The following WWTR1 variants were observed in gnomAD, a reference collection of about 807,000 sequenced individuals.
WWTR1 encodes WW domain-containing transcription regulator protein 1.
In WWTR1, 13 loss-of-function variants were observed where a neutral mutation model predicts 40.1. The ratio of observed to expected loss-of-function variants is 0.32; its 90% CI spans 0.21 to 0.52. The LOEUF is 0.52. Among genes scored for constraint, WWTR1 ranks in the 20% least tolerant of loss-of-function variants. The pLI is 0.97. For missense variants in WWTR1, 436 were observed against 523.1 expected, an observed-to-expected ratio of 0.83 and a Z score of 1.63; for synonymous variants, 230 against 210.1, an observed-to-expected ratio of 1.09 and a Z score of -0.82.
chr3:149,546,483 T>C (rs1322580137), intron 3 of WWTR1, among the ~76,000 whole-genome samples: 1 of 152,158 alleles, frequency 6.6e-6, no homozygotes, highest in Non-Finnish European at 1.5e-5. Flanking sequence ...ATGTTACTAG[T>C]TGTGGTTAGA....
rs5853422 is a variant in WWTR1, at chr3:149,560,956, ACC to A, written c.568+11906_568+11907del. 2.1e-3 allele frequency among the ~76,000 whole-genome samples: 317 copies of A among 148,302 alleles called. 1 individual carries two copies. The highest frequency in any genetic ancestry group is 7.3e-3 in the African/African-American group (300 of 40,900). On this transcript the variant is annotated intron_variant, in intron 3 of 6. Transcript: ENST00000360632. ...ACATTATTTTTTAAAAGAAAGTAAC[ACC>A]CCCCCCCGCAAAAAATCCCCTGCTC...
intron 2 of WWTR1, among the ~76,000 whole-genome samples, chr3:149,584,396 C>T (rs1346927831): frequency 1.3e-5 from 2 of 152,076 alleles, no homozygotes; most frequent in African/African-American, 4.8e-5. Flanking sequence ...TGGCTCTGGC[C>T]ATCAGAGCCA....
chr3:149,707,775 T>C (rs1470861934), upstream of WWTR1, among the ~76,000 whole-genome samples: 1 of 152,038 alleles, frequency 6.6e-6, no homozygotes, highest in African/African-American at 2.4e-5. Flanking sequence ...TATGTTTGCA[T>C]GTCCCCAAAC....
chr3:149,622,468 AG>A (rs1740325759), intron 2 of WWTR1, among the ~76,000 whole-genome samples: 1 of 95,814 alleles, frequency 1.0e-5, no homozygotes, highest in African/African-American at 3.7e-5. Context: ...GAAGGAAGGA[AG>A]GAAGGAAGGA....
intron 2 of WWTR1, among the ~76,000 whole-genome samples, chr3:149,642,079 C>T (rs1409123633): frequency 6.6e-6 from 1 of 152,208 alleles, no homozygotes; most frequent in Non-Finnish European, 1.5e-5. Context: ...GCCTTCTTTC[C>T]TTCAAGCTTT....
intron 2 of WWTR1, among the ~76,000 whole-genome samples, chr3:149,586,762 T>C (rs963154690): frequency 6.6e-6 from 1 of 152,132 alleles, no homozygotes; most frequent in Non-Finnish European, 1.5e-5. Context: ...ATCCCAACCT[T>C]CAGGGAAGGG....
intron 2 of WWTR1, among the ~76,000 whole-genome samples, chr3:149,669,100 C>G (rs1713963557): frequency 6.6e-6 from 1 of 152,150 alleles, no homozygotes; most frequent in South Asian, 2.1e-4. Context: ...TCAGTCTTTT[C>G]TATTTCACCA....
At chr3:149,648,798 G>C (rs1712676180) in intron 2 of WWTR1, among the ~76,000 whole-genome samples, 1 of 152,114 alleles carries the variant, frequency 6.6e-6, no homozygotes, top group African/African-American at 2.4e-5. Flanking sequence ...GGCAAACCAA[G>C]GTGGAAGGCA....
chr3:149,644,821 G>A (rs1024067353), intron 2 of WWTR1, among the ~76,000 whole-genome samples: 6 of 152,090 alleles, frequency 3.9e-5, no homozygotes, highest in African/African-American at 1.4e-4. Context: ...GTGGTGGCAG[G>A]GAGGTGGGCA....
chr3:149,610,301 T>A (rs1739675564), intron 2 of WWTR1, among the ~76,000 whole-genome samples: 1 of 152,356 alleles, frequency 6.6e-6, no homozygotes, highest in African/African-American at 2.4e-5. Context: ...ATGTTTTTGT[T>A]TGATTTTGTT....
intron 2 of WWTR1, among the ~76,000 whole-genome samples, chr3:149,622,134 C>T (rs987248767): frequency 6.6e-6 from 1 of 152,078 alleles, no homozygotes; most frequent in Non-Finnish European, 1.5e-5. Context: ...AATTTGATCA[C>T]CTCAAAATCA....
intron 2 of WWTR1, among the ~76,000 whole-genome samples, chr3:149,584,248 C>CTTGT (rs1738301530): frequency 6.6e-6 from 1 of 152,110 alleles, no homozygotes; most frequent in Non-Finnish European, 1.5e-5. Flanking sequence ...GTCACTCATC[C>CTTGT]CAAAAAAGAA....
At chr3:149,527,054 G>A (rs1241672480) in intron 5 of WWTR1, among the ~76,000 whole-genome samples, 2 of 152,010 alleles carry the variant, frequency 1.3e-5, no homozygotes, top group Admixed American at 6.6e-5. Context: ...CATAACCATA[G>A]TGCAATTACC....
At chr3:149,547,958 A>ACACACT (rs1384998011) in intron 3 of WWTR1, among the ~76,000 whole-genome samples, 1 of 149,640 alleles carries the variant, frequency 6.7e-6, no homozygotes, top group Non-Finnish European at 1.5e-5. Context: ...ACACACACAC[A>ACACACT]CACACACAAA....
intron 1 of WWTR1, among the ~76,000 whole-genome samples, chr3:149,700,465 AG>A (rs1715134889): frequency 1.3e-5 from 2 of 152,232 alleles, no homozygotes; most frequent in Non-Finnish European, 2.9e-5. Flanking sequence ...ACTACTAATT[AG>A]TTATTTGCAA....
In WWTR1 at chr3:149,572,893, C is replaced by G. The variant is rs1344203897; in HGVS notation, c.539G>C (p.Arg180Thr). Residue 180 changes from arginine to threonine, a missense_variant, in exon 3 of 7, where the codon AGG (arginine) becomes ACG (threonine). Transcript: ENST00000360632. ...PAVSSTPVPQRSMAVSQPNLV... is the reference protein window; with the variant it reads ...PAVSSTPVPQTSMAVSQPNLV... Reference sequence around the variant, plus strand: ...ATTTGGCTGGGATACTGCCATGGACCTCTGAGGCACTGGTGTGGAACTGAC... The same window carrying G: ...ATTTGGCTGGGATACTGCCATGGACGTCTGAGGCACTGGTGTGGAACTGAC... 1.2e-6 allele frequency: 2 copies of G among 1,613,446 alleles called. No individual in the cohort carries two copies. Among genetic ancestry groups the G allele is most frequent in the African/African-American group, 2.7e-5 (2 of 74,728 alleles).
At chr3:149,641,587 G>A (rs938836730) in intron 2 of WWTR1, among the ~76,000 whole-genome samples, 7 of 152,080 alleles carry the variant, frequency 4.6e-5, no homozygotes, top group Non-Finnish European at 7.4e-5. Flanking sequence ...ACTTCACTAC[G>A]GCTAATAATT....
At chr3:149,724,753 T>TG (rs1344349474) in exon 3 of WWTR1, 2 of 152,174 alleles carry the variant, frequency 1.3e-5, no homozygotes, top group African/African-American at 4.8e-5. Flanking sequence ...AATGTAAGAC[T>TG]GGGAGAGCAT....
rs752649986 is a variant in WWTR1, at chr3:149,593,946, C to T, written c.432-20946G>A. Among the ~76,000 whole-genome samples, 42 of 152,232 alleles carry T rather than the reference C, an allele frequency of 2.8e-4. 1 individual carries two copies. The highest frequency in any genetic ancestry group is 3.4e-3 in the Middle Eastern group (1 of 294). On this transcript the variant is annotated intron_variant, in intron 2 of 6. Coordinates refer to ENST00000360632, the MANE Select transcript of WWTR1 (RefSeq NM_015472.6). ...TTGCATAAGGCAAATGAACCCATGA[C>T]GCTGGATGTTAGAGTAGGTACCCTT...
Sources: gnomAD v4.1 joint callset for allele counts (sites outside exome capture counted in the v4.1 genomes callset) on GRCh38, gnomAD v4.1.1 for gene constraint, MANE v1.5 for transcripts, NCBI Gene and HGNC (gene_info 2026-07-23, HGNC 2026-07-21) for gene names.